Variants in NSL1 observed in about 807,000 individuals in gnomAD.
The protein encoded by NSL1 is kinetochore-associated protein NSL1 homolog.
Under a neutral mutation model 25.4 loss-of-function variants are expected in NSL1, and 11 were observed. That is an observed-to-expected ratio of 0.43 (90% CI 0.27 to 0.72). NSL1 has a LOEUF of 0.72. Ranked by LOEUF, NSL1 falls within the 30% of genes least tolerant of loss-of-function variation. The probability of loss-of-function intolerance (pLI) is 0.19; values close to 1 mark genes in which losing one functional copy is unlikely to be tolerated. For synonymous variants in NSL1, 118 were observed against 120.6 expected, an observed-to-expected ratio of 0.98 and a Z score of 0.14; for missense variants, 330 against 342.7, an observed-to-expected ratio of 0.96 and a Z score of 0.29.
intron 4 of NSL1, among the ~76,000 whole-genome samples, chr1:212,765,997 G>A (rs571618594): frequency 3.3e-5 from 5 of 151,726 alleles, no homozygotes; most frequent in African/African-American, 7.2e-5. Context: ...TTAGCTGGGC[G>A]TGGTGGCGGG....
intron 4 of NSL1, among the ~76,000 whole-genome samples, chr1:212,776,767 T>G (rs10863998): frequency 0.3 from 45,003 of 151,436 alleles, 8,506 homozygotes; most frequent in Non-Finnish European, 0.4. Context: ...CAAAAACTTC[T>G]ATATAGTATT....
chr1:212,742,138 A>C (rs577193849), intron 4 of NSL1, among the ~76,000 whole-genome samples: 1 of 152,324 alleles, frequency 6.6e-6, no homozygotes, highest in East Asian at 1.9e-4. Context: ...TATAAATAGA[A>C]ATAAAGGGAG....
Position 212,734,169 on chromosome 1 carries a change from T to C in NSL1, c.*4239A>G, listed in dbSNP as rs192231104. Among the ~76,000 whole-genome samples, 392 of 152,362 alleles carry C rather than the reference T, an allele frequency of 2.6e-3. 4 individuals are homozygous for C. Among genetic ancestry groups the C allele is most frequent in the Non-Finnish European group, 1.3e-3 (87 of 68,038 alleles). ...CTTTCTGGGAGTACAGTCATCATTCTGGGATTTTGCTTTGTATGTATCTGT... is the reference window on the plus strand; with the variant it reads ...CTTTCTGGGAGTACAGTCATCATTCCGGGATTTTGCTTTGTATGTATCTGT... On this transcript the variant is annotated 3_prime_UTR_variant, in exon 6 of 6. Transcript: ENST00000366977.
chr1:212,770,670 GA>G, intron 4 of NSL1, among the ~76,000 whole-genome samples: 1 of 152,206 alleles, frequency 6.6e-6, no homozygotes, highest in East Asian at 1.9e-4. Flanking sequence ...CCTCAAGAGG[GA>G]AGAATTGTTC....
At chr1:212,774,047 A>T (rs1660242166) in intron 4 of NSL1, among the ~76,000 whole-genome samples, 1 of 152,046 alleles carries the variant, frequency 6.6e-6, no homozygotes, top group Non-Finnish European at 1.5e-5. Context: ...TGGGAAGGGT[A>T]TGTGCGGAGC....
chr1:212,735,826 G>T lies in NSL1; in HGVS notation c.*2582C>A. 4.3e-6 allele frequency: 2 copies of T among 464,024 alleles called. No individual in the cohort carries two copies. The highest frequency in any genetic ancestry group is 5.7e-6 in the Non-Finnish European group (2 of 353,380). The allele number at this position is 464,024 out of a possible 1,614,324, so 28.7% of individuals were successfully genotyped here. Reference sequence around the variant, plus strand: ...TGGTCATCTACAAGTCGGGAAGACAGCCCTCACCAGAAACTGCATTTGCCA... The same window carrying T: ...TGGTCATCTACAAGTCGGGAAGACATCCCTCACCAGAAACTGCATTTGCCA... On this transcript the variant is annotated 3_prime_UTR_variant, in exon 6 of 6. Coordinates refer to ENST00000366977, the MANE Select transcript of NSL1 (RefSeq NM_015471.4).
rs1319913086 is a variant in NSL1, at chr1:212,731,265, A to T, written c.*7143T>A. ...GAATAGTAAGTCTTATCTGAAATAT[A>T]CTGTGATAGGCCAGGTGCAGTGGCT... On this transcript the variant is annotated 3_prime_UTR_variant, in exon 6 of 6. Transcript: ENST00000366977. The T allele has an allele frequency of 1.0e-6, 1 of 985,176 alleles. No individual in the cohort carries two copies. Among genetic ancestry groups the T allele is most frequent in the Non-Finnish European group, 1.2e-6 (1 of 829,892 alleles). 61.0% of individuals were successfully genotyped at this position (985,176 alleles called of 1,614,324 possible). A position where few individuals can be genotyped will look rare whatever the true frequency, so the allele number is the denominator to read the frequency against.
rs1016624845 is a variant in NSL1 at position 212,790,123 on chromosome 1, C to T, written c.234+1407G>A. On this transcript the variant is annotated intron_variant, in intron 1 of 5. Coordinates refer to ENST00000366977, the MANE Select transcript of NSL1 (RefSeq NM_015471.4). Reference sequence around the variant, plus strand: ...CCGCCTCCCGGGTTCACGCCATTCTCCTGCCTCAGCCTCCCGAGTAGCTGG... The same window carrying T: ...CCGCCTCCCGGGTTCACGCCATTCTTCTGCCTCAGCCTCCCGAGTAGCTGG... Among the ~76,000 whole-genome samples, 13 of 152,236 alleles carry T rather than the reference C, an allele frequency of 8.5e-5. No individual in the cohort carries two copies. In the South Asian group the frequency reaches 1.0e-3, roughly 12 times the overall value.
At chr1:212,742,914 G>A (rs1376083505) in intron 4 of NSL1, among the ~76,000 whole-genome samples, 1 of 152,004 alleles carries the variant, frequency 6.6e-6, no homozygotes, top group Non-Finnish European at 1.5e-5. Flanking sequence ...TGTATTTTGT[G>A]TGCTTCTGTT....
chr1:212,738,125 G>A lies in NSL1; in HGVS notation c.*283C>T. ...GCTACAAGGGAGCTGAGAGTTGATGGCACTTAAGGACAGTAAAAGTCTGCA... is the reference window on the plus strand; with the variant it reads ...GCTACAAGGGAGCTGAGAGTTGATGACACTTAAGGACAGTAAAAGTCTGCA... On this transcript the variant is annotated 3_prime_UTR_variant, in exon 6 of 6. Coordinates refer to ENST00000366977, the MANE Select transcript of NSL1 (RefSeq NM_015471.4). 4 of 1,070,400 alleles carry A rather than the reference G, an allele frequency of 3.7e-6. No homozygotes were observed. The highest frequency in any genetic ancestry group is 4.5e-6 in the Non-Finnish European group (4 of 885,092). 66.3% of individuals were successfully genotyped at this position (1,070,400 alleles called of 1,614,324 possible).
rs1448444991 is a variant in NSL1 at position 212,737,824 on chromosome 1, C to A, written c.*584G>T. 42 of 985,134 alleles carry A rather than the reference C, an allele frequency of 4.3e-5. No individual in the cohort carries two copies. Among genetic ancestry groups the A allele is most frequent in the Non-Finnish European group, 5.1e-5 (42 of 829,878 alleles). 61.0% of individuals were successfully genotyped at this position (985,134 alleles called of 1,614,324 possible). A position where few individuals can be genotyped will look rare whatever the true frequency, so the allele number is the denominator to read the frequency against. Reference sequence around the variant, plus strand: ...AAATAATAGTTATCATTGTCTTACACAACAAAAAATCCTAAAGTTAATCTC... The same window carrying A: ...AAATAATAGTTATCATTGTCTTACAAAACAAAAAATCCTAAAGTTAATCTC... On this transcript the variant is annotated 3_prime_UTR_variant, in exon 6 of 6. Coordinates refer to ENST00000366977, the MANE Select transcript of NSL1 (RefSeq NM_015471.4).
intron 4 of NSL1, among the ~76,000 whole-genome samples, chr1:212,756,131 T>G (rs547696709): frequency 2.6e-5 from 4 of 152,132 alleles, no homozygotes; most frequent in Non-Finnish European, 5.9e-5. Context: ...CCTTGTTGGG[T>G]TTTTTTGAGA....
Position 212,729,115 on chromosome 1 carries a change from A to G in NSL1, c.*9293T>C, listed in dbSNP as rs1288490948. 7.1e-6 allele frequency: 7 copies of G among 985,362 alleles called. No homozygotes were observed. The highest frequency in any genetic ancestry group is 8.4e-6 in the Non-Finnish European group (7 of 829,946). 61.0% of individuals were successfully genotyped at this position (985,362 alleles called of 1,614,324 possible). On this transcript the variant is annotated 3_prime_UTR_variant, in exon 6 of 6. Coordinates refer to ENST00000366977, the MANE Select transcript of NSL1 (RefSeq NM_015471.4). ...AAACTTGCCAGTCAATTACAGGAAT[A>G]TATTAGTGTTCCATCGTAGTTTCTA...
In NSL1 at chr1:212,728,253, A is replaced by AC. The variant is rs1657868997; in HGVS notation, c.*10154_*10155insG. ...ATATTGATATTACCTTCAGCAAATA[A>AC]GTTGATAACATTATATATGTAAACA... On this transcript the variant is annotated 3_prime_UTR_variant, in exon 6 of 6. Transcript: ENST00000366977. The AC allele has an allele frequency of 7.3e-6, 7 of 964,474 alleles. No homozygotes were observed. In the African/African-American group the frequency reaches 1.2e-4, roughly 17 times the overall value. The allele number at this position is 964,474 out of a possible 1,614,324, so 59.7% of individuals were successfully genotyped here.
intron 4 of NSL1, among the ~76,000 whole-genome samples, chr1:212,761,785 C>T (rs1172729555): frequency 1.3e-5 from 2 of 151,806 alleles, no homozygotes; most frequent in African/African-American, 4.8e-5. Context: ...AAAGAGATAT[C>T]ATTTTAAAAA....
intron 4 of NSL1, among the ~76,000 whole-genome samples, chr1:212,745,140 C>CAAA (rs1658701464): frequency 9.5e-6 from 1 of 104,952 alleles, no homozygotes; most frequent in Admixed American, 1.1e-4. Flanking sequence ...CATCTCAAAA[C>CAAA]AAACAAACAA....
Position 212,732,623 on chromosome 1 carries a change from T to C in NSL1, c.*5785A>G. 10 of 985,406 alleles carry C rather than the reference T, an allele frequency of 1.0e-5. No homozygotes were observed. The highest frequency in any genetic ancestry group is 1.2e-5 in the Non-Finnish European group (10 of 829,918). The allele number at this position is 985,406 out of a possible 1,614,324, so 61.0% of individuals were successfully genotyped here. A position where few individuals can be genotyped will look rare whatever the true frequency, so the allele number is the denominator to read the frequency against. ...TAGTCTTATTCCAACCTGGTCTGCCTAGTCTCCAAATCTGCTGATTAGTTA... is the reference window on the plus strand; with the variant it reads ...TAGTCTTATTCCAACCTGGTCTGCCCAGTCTCCAAATCTGCTGATTAGTTA... On this transcript the variant is annotated 3_prime_UTR_variant, in exon 6 of 6. Transcript: ENST00000366977.
chr1:212,766,506 A>C (rs10863992), intron 4 of NSL1, among the ~76,000 whole-genome samples: 1 of 151,350 alleles, frequency 6.6e-6, no homozygotes, highest in South Asian at 2.1e-4. Flanking sequence ...TTAGCCAGGC[A>C]TGGTGGCAGG....
At chr1:212,742,130 TAAATAG>T (rs1277270251) in intron 4 of NSL1, among the ~76,000 whole-genome samples, 1 of 152,186 alleles carries the variant, frequency 6.6e-6, no homozygotes, top group Non-Finnish European at 1.5e-5. Flanking sequence ...TCTACACATA[TAAATAG>T]AAATAAAGGG....
Sources: gnomAD v4.1 joint callset for allele counts (sites outside exome capture counted in the v4.1 genomes callset) on GRCh38, gnomAD v4.1.1 for gene constraint, MANE v1.5 for transcripts, NCBI Gene and HGNC (gene_info 2026-07-23, HGNC 2026-07-21) for gene names.